Variants in SPACA5B observed in about 807,000 individuals in gnomAD.
The protein encoded by SPACA5B is sperm acrosome associated 5B, also known as sperm acrosome-associated protein 5.
A neutral mutation model predicts 4.1 loss-of-function variants in SPACA5B; 1 was observed. That is an observed-to-expected ratio of 0.24 (90% CI 0.09 to 1.15). SPACA5B has a LOEUF of 1.15. Ranked by LOEUF, SPACA5B falls within the 50% of genes most tolerant of loss-of-function variation. The probability of loss-of-function intolerance (pLI) is 0.52; values close to 1 mark genes in which losing one functional copy is unlikely to be tolerated. For synonymous variants in SPACA5B, 2 were observed against 14.8 expected (o/e 0.13, Z 1.99); for missense variants, 8 against 42.6 (o/e 0.19, Z 2.26).
intron 1 of SPACA5B, among the ~76,000 whole-genome samples, 163 bp from the exon 2 acceptor site, chrX:48,131,098 C>T (rs1209611811): frequency 9.2e-5 from 4 of 43,473 alleles, no homozygotes; most frequent in African/African-American, 3.6e-4. Flanking sequence ...CCATCGCTAC[C>T]ACCATCACTG....
intron 2 of SPACA5B, among the ~76,000 whole-genome samples, chrX:48,131,640 A>C (rs1556917411): frequency 1.4e-5 from 1 of 72,555 alleles, no homozygotes; most frequent in African/African-American, 5.2e-5. Context: ...ATCCTCACCC[A>C]GAATGGACAC....
rs1283808414 is a variant in SPACA5B at position 48,131,152 on chromosome X, T to TCAC, written c.146-104_146-102dup. On this transcript the variant is annotated intron_variant, in intron 1 of 3. Coordinates refer to ENST00000304270, the MANE Select transcript of SPACA5B (RefSeq NM_001079900.2). The stretch of plus-strand genomic sequence containing the variant: ...CAACATCACCACCACTAAACCAAGA[T>TCAC]CACCACCCTCACAACTGAGATGACA... 1.0e-3 allele frequency: 531 copies of TCAC among 510,873 alleles called. No homozygotes were observed. The African/African-American group carries it at 0.016, about 15-fold the overall frequency. The allele number at this position is 510,873 out of a possible 1,213,427, so 42.1% of individuals were successfully genotyped here. A position where few individuals can be genotyped will look rare whatever the true frequency, so the allele number is the denominator to read the frequency against.
intron 1 of SPACA5B, 52 bp from the exon 2 acceptor site, chrX:48,131,209 C>G: frequency 1.1e-6 from 1 of 912,023 alleles, no homozygotes; most frequent in Non-Finnish European, 1.5e-6. Flanking sequence ...TCCTATCCTT[C>G]CCTATTCCCA....
chrX:48,131,650 CTG>C (rs2059285800), intron 2 of SPACA5B, among the ~76,000 whole-genome samples: 1 of 72,042 alleles, frequency 1.4e-5, no homozygotes, highest in Non-Finnish European at 2.7e-5. Flanking sequence ...AGAATGGACA[CTG>C]CAGTTTTCTT....
In SPACA5B at chrX:48,131,324, G is replaced by A; in HGVS notation, c.209G>A (p.Gly70Asp). ...GCCTTCGTGGACCACAATCCTGATGGCAGCAGTGAATATGGCATTTTCCAA... is the reference window on the plus strand; with the variant it reads ...GCCTTCGTGGACCACAATCCTGATGACAGCAGTGAATATGGCATTTTCCAA... ...DTAFVDHNPD[G>D]SSEYGIFQLN... Residue 70 changes from glycine to aspartate, a missense_variant, in exon 2 of 4, where the codon GGC becomes GAC. Transcript: ENST00000304270. 1 of 1,203,404 alleles carries A rather than the reference G, an allele frequency of 8.3e-7. No homozygotes were observed. The highest frequency in any genetic ancestry group is 1.1e-6 in the Non-Finnish European group (1 of 891,738).
In SPACA5B at chrX:48,130,764, G is replaced by A. The variant is rs1556917356; in HGVS notation, c.77G>A (p.Arg26His). 36 of 19,761 alleles carry A rather than the reference G, an allele frequency of 1.8e-3. No homozygotes were observed. Among genetic ancestry groups the A allele is most frequent in the Middle Eastern group, 0.02 (1 of 50 alleles). The allele number at this position is 19,761 out of a possible 1,213,427, so 1.6% of individuals were successfully genotyped here. Reference protein sequence around the residue: ...VVTVDAKIYERCELAARLERA... With the variant: ...VVTVDAKIYEHCELAARLERA... ...ACTGTGGATGCCAAGATCTATGAAC[G>A]CTGCGAGCTGGCGGCAAGACTGGAG... is the stretch of plus-strand genomic sequence containing the variant. Residue 26 changes from arginine to histidine, a missense_variant, in exon 1 of 4, where the codon CGC (arginine) becomes CAC (histidine). Physicochemically the swap from Arg to His is conservative, Grantham distance 29. Transcript: ENST00000304270.
intron 1 of SPACA5B, 76 bp downstream of exon 1, chrX:48,130,908 C>T: frequency 1.4e-5 from 1 of 73,312 alleles, no homozygotes; most frequent in Non-Finnish European, 2.1e-5. Flanking sequence ...CCCTTCTTGT[C>T]CTTTATCACC....
chrX:48,131,178 A>ACCAT (rs1342378638), intron 1 of SPACA5B, 83 bp from the exon 2 acceptor site: 15 of 663,580 alleles, frequency 2.3e-5, no homozygotes, highest in Non-Finnish European at 3.1e-5. Flanking sequence ...TGAGATGACA[A>ACCAT]CCATCCCTGT....
intron 2 of SPACA5B, among the ~76,000 whole-genome samples, chrX:48,131,742 C>A (rs1181387652): frequency 9.4e-4 from 42 of 44,792 alleles, no homozygotes; most frequent in African/African-American, 3.2e-3. Flanking sequence ...GTTACCCAGG[C>A]CCCGAGGAAA....
Position 48,130,823 on chromosome X carries a change from G to A in SPACA5B, c.136G>A (p.Val46Ile). The A allele has an allele frequency of 7.3e-5, 3 of 40,941 alleles. No individual in the cohort carries two copies. Among genetic ancestry groups the A allele is most frequent in the African/African-American group, 1.3e-3 (2 of 1,586 alleles). 3.4% of individuals were successfully genotyped at this position (40,941 alleles called of 1,213,427 possible). The change falls in exon 1 of 4, where the codon GTT becomes ATT. Residue 46 changes from valine to isoleucine, a missense_variant. Transcript: ENST00000304270. ...GCTGAACGGCTACAAGGGCTACGGCGTTGGAGACTGTGAGAATCCAGTTGC... is the reference window on the plus strand; with the variant it reads ...GCTGAACGGCTACAAGGGCTACGGCATTGGAGACTGTGAGAATCCAGTTGC... ...AGLNGYKGYG[V>I]GDWLCMAHYE...
intron 2 of SPACA5B, among the ~76,000 whole-genome samples, chrX:48,131,689 C>G (rs1402445525): frequency 1.6e-5 from 1 of 64,280 alleles, no homozygotes; most frequent in Non-Finnish European, 3.0e-5. Flanking sequence ...AAACTTACCT[C>G]CATGTGGAAC....
At chrX:48,131,205 C>T in intron 1 of SPACA5B, 56 bp from the exon 2 acceptor site, 1 of 882,589 alleles carries the variant, frequency 1.1e-6, no homozygotes, top group Non-Finnish European at 1.6e-6. Flanking sequence ...CCCATCCTAT[C>T]CTTCCCTATT....
intron 2 of SPACA5B, among the ~76,000 whole-genome samples, chrX:48,131,801 G>T (rs1485375786): frequency 2.9e-3 from 46 of 15,793 alleles, no homozygotes; most frequent in African/African-American, 0.011. Flanking sequence ...CCTCCATGCA[G>T]AAATGACAGA....
At chrX:48,130,913 A>G in intron 1 of SPACA5B, 81 bp downstream of exon 1, 1 of 73,637 alleles carries the variant, frequency 1.4e-5, no homozygotes, top group South Asian at 1.5e-4. Context: ...CTTGTCCTTT[A>G]TCACCTCTCC....
At position 48,131,380 on chromosome X, in the gene SPACA5B, A is replaced by G; in HGVS notation, c.265A>G (p.Ile89Val). ...TTCTGCCTGGTGGTGTGACAATGGC[A>G]TTACACCCACCAAGAACCTCTGCCA... ...LNSAWWCDNG[I>V]TPTKNLCHMD... Residue 89 changes from isoleucine to valine, a missense_variant, in exon 2 of 4, where the codon ATT becomes GTT. Transcript: ENST00000304270. 1 of 1,212,794 alleles carries G rather than the reference A, an allele frequency of 8.2e-7. No individual in the cohort carries two copies. Among genetic ancestry groups the G allele is most frequent in the Non-Finnish European group, 1.1e-6 (1 of 895,632 alleles).
At chrX:48,131,210 C>T in intron 1 of SPACA5B, 51 bp from the exon 2 acceptor site, 1 of 924,412 alleles carries the variant, frequency 1.1e-6, no homozygotes, top group Non-Finnish European at 1.5e-6. Context: ...CCTATCCTTC[C>T]CTATTCCCAA....
chrX:48,131,685 A>G (rs1304459257), intron 2 of SPACA5B, among the ~76,000 whole-genome samples: 1 of 65,172 alleles, frequency 1.5e-5, no homozygotes, highest in Non-Finnish European at 3.0e-5. Flanking sequence ...CAGGAAACTT[A>G]CCTCCATGTG....
At chrX:48,131,678 G>A (rs1240623278) in intron 2 of SPACA5B, among the ~76,000 whole-genome samples, 113 of 67,807 alleles carry the variant, frequency 1.7e-3, no homozygotes, top group Admixed American at 2.4e-3. Flanking sequence ...CAGGAAACAG[G>A]AAACTTACCT....
At chrX:48,131,580 C>T (rs2059285649) in intron 2 of SPACA5B, among the ~76,000 whole-genome samples, 161 bp downstream of exon 2, 1 of 68,378 alleles carries the variant, frequency 1.5e-5, no homozygotes, top group African/African-American at 5.4e-5. Flanking sequence ...TCTACCCCTA[C>T]CCAGACTATC....
Sources: gnomAD v4.1 joint callset for allele counts (sites outside exome capture counted in the v4.1 genomes callset) on GRCh38, gnomAD v4.1.1 for gene constraint, MANE v1.5 for transcripts, NCBI Gene and HGNC (gene_info 2026-07-23, HGNC 2026-07-21) for gene names.